Variants in PPM1F observed in about 807,000 individuals in gnomAD.
The protein encoded by PPM1F is protein phosphatase 1F.
PPM1F carries 17 observed loss-of-function variants against 35.5 expected under a neutral mutation model. That is an observed-to-expected ratio of 0.48 (90% CI 0.33 to 0.72). The LOEUF (loss-of-function observed/expected upper bound fraction) is 0.72, where lower values mean the gene tolerates loss of function less well. Among genes scored for constraint, PPM1F ranks in the 30% least tolerant of loss-of-function variants. The pLI, the probability that PPM1F is intolerant of heterozygous loss-of-function variation, is 0.02. For synonymous variants in PPM1F, 241 were observed against 255.5 expected, an observed-to-expected ratio of 0.94 and a Z score of 0.54; for missense variants, 521 against 613.0, an observed-to-expected ratio of 0.85 and a Z score of 1.59.
chr22:21,931,352 G>C (rs576636093), intron 5 of PPM1F, 61 bp from the exon 6 acceptor site: 4 of 1,524,638 alleles, frequency 2.6e-6, no homozygotes, highest in Non-Finnish European at 3.6e-6. Flanking sequence ...AGGATGACAC[G>C]GGGCAGGATG....
intron 3 of PPM1F, chr22:21,936,530 G>A (rs755637889): frequency 6.6e-6 from 1 of 152,274 alleles, no homozygotes; most frequent in Non-Finnish European, 1.5e-5. Flanking sequence ...GAGTGTGGGA[G>A]CTGGCTGCTT....
Position 21,939,444 on chromosome 22 carries a change from AC to A in PPM1F, c.355+87del. 1.3e-6 allele frequency: 2 copies of A among 1,544,186 alleles called. No individual in the cohort carries two copies. The highest frequency in any genetic ancestry group is 1.8e-6 in the Non-Finnish European group (2 of 1,135,244). On this transcript the variant is annotated intron_variant, in intron 3 of 7. Coordinates refer to ENST00000263212, the MANE Select transcript of PPM1F (RefSeq NM_014634.4). This position sits in a 1 kb window ranked among gnomAD's most constrained non-coding sequence, Gnocchi z 5.1. Reference sequence around the variant, plus strand: ...AGCGAGGGCCCCAGCACCCTTAGGGACCCCAATCAATGGGCTTCCCACAATG... The same window carrying A: ...AGCGAGGGCCCCAGCACCCTTAGGGACCCAATCAATGGGCTTCCCACAATG...
rs1337354203 is a variant in PPM1F at position 21,939,736 on chromosome 22, C to T, written c.207-56G>A. ...GCCCCCAGCAGGAGACCACACCTAG[C>T]CCCCCTTCCCCAACTGTCAGCCCAC... On this transcript the variant is annotated intron_variant, in intron 2 of 7. Coordinates refer to ENST00000263212, the MANE Select transcript of PPM1F (RefSeq NM_014634.4). The surrounding 1 kb of genome is among the most constrained non-coding windows in gnomAD (Gnocchi z 5.1). The T allele has an allele frequency of 2.6e-6, 4 of 1,540,276 alleles. No individual in the cohort carries two copies. The highest frequency in any genetic ancestry group is 2.4e-5 in the South Asian group (2 of 83,632).
At chr22:21,935,359 G>A (rs1045531412) in intron 3 of PPM1F, 6 of 152,184 alleles carry the variant, frequency 3.9e-5, no homozygotes, top group African/African-American at 1.4e-4. Context: ...TAGGGGTGGG[G>A]GTATAAGGGT....
At chr22:21,924,735 A>G (rs766337643) in intron 7 of PPM1F, 4 of 138,742 alleles carry the variant, frequency 2.9e-5, no homozygotes, top group Non-Finnish European at 6.2e-5. Flanking sequence ...ACACCTGGCT[A>G]ACTTTGTATT....
chr22:21,942,943 T>G (rs1455973966), intron 2 of PPM1F: 2 of 152,322 alleles, frequency 1.3e-5, no homozygotes, highest in Non-Finnish European at 2.9e-5. Context: ...GGGCAGGGGC[T>G]GTTACAAGAG....
intron 1 of PPM1F, chr22:21,951,053 A>C (rs1337703395): frequency 6.6e-6 from 1 of 152,104 alleles, no homozygotes; most frequent in African/African-American, 2.4e-5. Context: ...AAATATACAC[A>C]CTATGTATCC....
chr22:21,935,127 A>G (rs1328408817), intron 3 of PPM1F: 1 of 152,184 alleles, frequency 6.6e-6, no homozygotes, highest in East Asian at 1.9e-4. Context: ...TCAACGTGGA[A>G]ATGGTTAAAC....
chr22:21,945,798 G>A, intron 2 of PPM1F, 45 bp downstream of exon 2: 1 of 1,582,854 alleles, frequency 6.3e-7, no homozygotes. Context: ...CGGCCCTGGT[G>A]CCGTGCCCTT....
chr22:21,925,243 G>A (rs754063080), intron 7 of PPM1F: 16 of 405,568 alleles, frequency 3.9e-5, no homozygotes, highest in East Asian at 7.1e-5. Flanking sequence ...GCATGAACGC[G>A]GGAGGAGGAT....
At position 21,932,971 on chromosome 22, in the gene PPM1F, C is replaced by T. The variant is rs138663139; in HGVS notation, c.747+420G>A. Among the ~76,000 whole-genome samples the T allele has an allele frequency of 3.9e-5, 6 of 152,322 alleles. No individual in the cohort carries two copies. The East Asian group carries it at 7.7e-4, about 20-fold the overall frequency. The stretch of plus-strand genomic sequence containing the variant: ...GCCCAGCTTCCCTCTCTTCTCTCTG[C>T]GCCCCGACTACCTCAGTGCTTTCCA... On this transcript the variant is annotated intron_variant, in intron 5 of 7. Transcript: ENST00000263212.
At chr22:21,948,212 C>T (rs2070795913) in intron 1 of PPM1F, 1 of 151,416 alleles carries the variant, frequency 6.6e-6, no homozygotes, top group Non-Finnish European at 1.5e-5. Context: ...CGCTGTGGCT[C>T]AGGTCTATAT....
At chr22:21,940,309 C>G (rs994956933) in intron 2 of PPM1F, among the ~76,000 whole-genome samples, 1 of 152,092 alleles carries the variant, frequency 6.6e-6, no homozygotes, top group African/African-American at 2.4e-5. Flanking sequence ...CTCATCTCTA[C>G]TAAAAATACA....
chr22:21,939,481 T>C lies in PPM1F; in HGVS notation c.355+51A>G, dbSNP rs767896298. ...GGGCTTCCCACAATGTCGTCACCCT[T>C]TGTTGCCTGCTAAGCAGCCCTGGGG... is the stretch of plus-strand genomic sequence containing the variant. On this transcript the variant is annotated intron_variant, in intron 3 of 7. Transcript: ENST00000263212. The surrounding 1 kb of genome is among the most constrained non-coding windows in gnomAD (Gnocchi z 5.1). 20 of 1,604,450 alleles carry C rather than the reference T, an allele frequency of 1.2e-5. No individual in the cohort carries two copies. The highest frequency in any genetic ancestry group is 1.5e-5 in the Non-Finnish European group (18 of 1,174,890).
At position 21,934,085 on chromosome 22, in the gene PPM1F, C is replaced by T. The variant is rs781432214; in HGVS notation, c.497G>A (p.Arg166His). 9 of 1,564,198 alleles carry T rather than the reference C, an allele frequency of 5.8e-6. No homozygotes were observed. Among genetic ancestry groups the T allele is most frequent in the Admixed American group, 3.8e-5 (2 of 52,578 alleles). The change falls in exon 4 of 8, where the codon CGC becomes CAC. Residue 166 changes from arginine to histidine, a missense_variant. Physicochemically the swap from Arg to His is conservative, Grantham distance 29. Transcript: ENST00000263212. Reference sequence around the variant, plus strand: ...CACGTGCCGGTCCTCCATCTTGCGGCGAGTGTTCCGGATGGCGTGGATGGA... The same window carrying T: ...CACGTGCCGGTCCTCCATCTTGCGGTGAGTGTTCCGGATGGCGTGGATGGA... ...LVSIHAIRNT[R>H]RKMEDRHVSL...
At chr22:21,929,840 C>T (rs2070567475) in intron 6 of PPM1F, among the ~76,000 whole-genome samples, 1 of 152,150 alleles carries the variant, frequency 6.6e-6, no homozygotes, top group South Asian at 2.1e-4. Context: ...AATGTAGCTG[C>T]CCCTGACTGT....
intron 6 of PPM1F, among the ~76,000 whole-genome samples, chr22:21,930,500 A>G (rs185332030): frequency 1.8e-4 from 28 of 152,364 alleles, no homozygotes; most frequent in African/African-American, 5.8e-4. Context: ...CGCAGCCCCA[A>G]GAAAGGATGG....
chr22:21,930,545 T>C (rs767285464), intron 6 of PPM1F, among the ~76,000 whole-genome samples: 1 of 152,196 alleles, frequency 6.6e-6, no homozygotes, highest in East Asian at 1.9e-4. Flanking sequence ...TTATCCACCA[T>C]GTGCATGGTT....
Position 21,945,839 on chromosome 22 carries a change from C to A in PPM1F, c.206+4G>T, listed in dbSNP as rs113097472. The stretch of plus-strand genomic sequence containing the variant: ...CCGTCCCCTTTGGGGGTGCACAGGC[C>A]TACCTGCTGCCCAGAAAGCCCATGG... On this transcript the variant is annotated splice_donor_region_variant and intron_variant, in intron 2 of 7. Coordinates refer to ENST00000263212, the MANE Select transcript of PPM1F (RefSeq NM_014634.4). 6.1e-4 allele frequency: 982 copies of A among 1,607,668 alleles called. 2 individuals are homozygous for A. In the African/African-American group the frequency reaches 0.011, roughly 19 times the overall value.
Sources: gnomAD v4.1 joint callset for allele counts (sites outside exome capture counted in the v4.1 genomes callset) on GRCh38, gnomAD v4.1.1 for gene constraint, Gnocchi (gnomAD v3.1) non-coding constraint, MANE v1.5 for transcripts, NCBI Gene and HGNC (gene_info 2026-07-23, HGNC 2026-07-21) for gene names.